Variants in USP34 observed in about 807,000 individuals in gnomAD.
USP34 encodes the protein ubiquitin carboxyl-terminal hydrolase 34.
Under a neutral mutation model 460.3 loss-of-function variants are expected in USP34, and 70 were observed. The ratio of observed to expected loss-of-function variants is 0.15; its 90% CI spans 0.13 to 0.19. USP34 has a LOEUF of 0.19. Among genes scored for constraint, USP34 ranks in the 10% least tolerant of loss-of-function variants. The pLI is 1.00. For missense variants in USP34, 3,985 were observed against 4,236.2 expected (o/e 0.94, Z 1.65); for synonymous variants, 1,647 against 1,405.3 (o/e 1.17, Z -3.85).
At chr2:61,456,191 G>A (rs1159426471) in intron 1 of USP34, among the ~76,000 whole-genome samples, 1 of 152,152 alleles carries the variant, frequency 6.6e-6, no homozygotes, top group East Asian at 1.9e-4. Context: ...TTAGATATCC[G>A]TGGGCTTACT....
At chr2:61,236,981 A>G (rs972976271) in intron 53 of USP34, among the ~76,000 whole-genome samples, 2 of 152,080 alleles carry the variant, frequency 1.3e-5, no homozygotes, top group African/African-American at 4.8e-5. Flanking sequence ...TTCTGATTTT[A>G]TTTTGGAATT....
chr2:61,306,591 A>G (rs1440535889), intron 27 of USP34, among the ~76,000 whole-genome samples: 1 of 152,170 alleles, frequency 6.6e-6, no homozygotes, highest in African/African-American at 2.4e-5. Flanking sequence ...AAGTAGTCCA[A>G]TTCTGTGAAG....
chr2:61,394,048 G>C (rs13403793), intron 5 of USP34, among the ~76,000 whole-genome samples: 103 of 152,186 alleles, frequency 6.8e-4, no homozygotes, highest in African/African-American at 2.2e-3. Context: ...TTGAACCCAG[G>C]AGGCGGAGGG....
chr2:61,227,741 AAAAAAC>A (rs1238657183), intron 61 of USP34, among the ~76,000 whole-genome samples: 2 of 151,910 alleles, frequency 1.3e-5, no homozygotes, highest in Non-Finnish European at 2.9e-5. Context: ...ACAAACAAAA[AAAAAAC>A]AAAAAACCTC....
At chr2:61,197,092 T>C (rs1572826915) in intron 75 of USP34, among the ~76,000 whole-genome samples, 2 of 152,100 alleles carry the variant, frequency 1.3e-5, no homozygotes, top group Non-Finnish European at 2.9e-5. Context: ...CTGGCCAACA[T>C]AGTGAAACCC....
At chr2:61,352,360 T>C (rs145710313) in intron 10 of USP34, among the ~76,000 whole-genome samples, 4 of 151,982 alleles carry the variant, frequency 2.6e-5, no homozygotes, top group African/African-American at 9.6e-5. Context: ...ATGTAATACA[T>C]AATAAACTTC....
At chr2:61,393,026 TTA>T (rs1176221143) in intron 5 of USP34, among the ~76,000 whole-genome samples, 2 of 152,194 alleles carry the variant, frequency 1.3e-5, no homozygotes, top group Non-Finnish European at 2.9e-5. Flanking sequence ...ACTACACACT[TTA>T]TATGTCAAGT....
intron 2 of USP34, among the ~76,000 whole-genome samples, chr2:61,420,470 T>C (rs1359171817): frequency 6.6e-6 from 1 of 152,190 alleles, no homozygotes; most frequent in Non-Finnish European, 1.5e-5. Context: ...ATAAAAATTA[T>C]TTAATCTCTC....
chr2:61,439,259 C>T (rs569050501), intron 1 of USP34, among the ~76,000 whole-genome samples: 1 of 152,130 alleles, frequency 6.6e-6, no homozygotes, highest in Non-Finnish European at 1.5e-5. Context: ...AAAAAATTAG[C>T]CAGGTTATGT....
chr2:61,451,666 G>A (rs1331478063), intron 1 of USP34, among the ~76,000 whole-genome samples: 2 of 149,524 alleles, frequency 1.3e-5, no homozygotes, highest in Admixed American at 6.7e-5. Context: ...TGGGCAACAA[G>A]AGCGAAACCC....
intron 41 of USP34, among the ~76,000 whole-genome samples, chr2:61,273,670 G>C (rs1004681425): frequency 6.6e-6 from 1 of 152,114 alleles, no homozygotes; most frequent in Admixed American, 6.5e-5. Context: ...GTGAGCCACT[G>C]CACCACTGCA....
rs746420064 is a variant in USP34, at chr2:61,259,818, T to C, written c.5779-42A>G. On this transcript the variant is annotated intron_variant, in intron 43 of 79. Transcript: ENST00000398571. ...AACACCATTAAAAACACAGACATGA[T>C]GGTAGTAAATTAGGCATTCTAGCAA... The C allele has an allele frequency of 1.5e-5, 23 of 1,585,526 alleles. 1 individual carries two copies. The Admixed American group carries it at 1.9e-4, about 13-fold the overall frequency.
rs1421199830 is a variant in USP34 at position 61,188,087 on chromosome 2, A to G, written c.*15T>C. The G allele has an allele frequency of 4.4e-6, 7 of 1,600,876 alleles. No homozygotes were observed. The highest frequency in any genetic ancestry group is 6.0e-6 in the Non-Finnish European group (7 of 1,173,210). ...GGGGGTGAGGGACTTAAAAGTAGAC[A>G]TGCTACACCTAATGTCAAGAAGCAG... On this transcript the variant is annotated 3_prime_UTR_variant, in exon 80 of 80. Coordinates refer to ENST00000398571, the MANE Select transcript of USP34 (RefSeq NM_014709.4).
At chr2:61,452,305 A>AT (rs1352404675) in intron 1 of USP34, among the ~76,000 whole-genome samples, 4 of 149,118 alleles carry the variant, frequency 2.7e-5, no homozygotes, top group Non-Finnish European at 3.0e-5. Flanking sequence ...GCTCGTGCCT[A>AT]TAATTCCCGG....
intron 57 of USP34, among the ~76,000 whole-genome samples, chr2:61,233,738 T>C (rs999365806): frequency 6.6e-6 from 1 of 151,924 alleles, no homozygotes; most frequent in Admixed American, 6.6e-5. Context: ...GGGAGGAGGC[T>C]GAGGCAGGAT....
intron 1 of USP34, among the ~76,000 whole-genome samples, chr2:61,441,536 G>A (rs1292673284): frequency 6.6e-6 from 1 of 152,080 alleles, no homozygotes; most frequent in Non-Finnish European, 1.5e-5. Context: ...CTCCCTCTCT[G>A]GGGCTAGAGG....
At chr2:61,204,676 C>T (rs1469522260) in intron 72 of USP34, 75 bp from the exon 73 acceptor site, 1 of 1,147,954 alleles carries the variant, frequency 8.7e-7, no homozygotes, top group African/African-American at 1.5e-5. Context: ...TCTTACAAAT[C>T]CTATGATTGC....
chr2:61,331,325 A>G lies in USP34; in HGVS notation c.2881T>C (p.Leu961=), dbSNP rs1346320258. The G allele has an allele frequency of 3.7e-6, 6 of 1,612,488 alleles. No individual in the cohort carries two copies. The highest frequency in any genetic ancestry group is 4.2e-6 in the Non-Finnish European group (5 of 1,179,152). ...LNMMKLFFDN[L]VYYIQTVREG... ...CTCACAGTTTGAATGTAGTATACCA[A>G]ATTATCAAAGAAAAGCTTCATCATG... is the stretch of plus-strand genomic sequence containing the variant. Residue 961 remains leucine (L), a synonymous_variant, in exon 20 of 80, where the codon TTG becomes CTG. Transcript: ENST00000398571.
intron 43 of USP34, among the ~76,000 whole-genome samples, chr2:61,263,815 G>T (rs1688969272): frequency 6.6e-6 from 1 of 152,084 alleles, no homozygotes; most frequent in Non-Finnish European, 1.5e-5. Context: ...GTAGAGATAG[G>T]GTTTCACCAT....
Sources: gnomAD v4.1 joint callset for allele counts (sites outside exome capture counted in the v4.1 genomes callset) on GRCh38, gnomAD v4.1.1 for gene constraint, MANE v1.5 for transcripts, NCBI Gene and HGNC (gene_info 2026-07-23, HGNC 2026-07-21) for gene names.